FAM117A: variants seen among roughly 807,000 people sequenced by gnomAD.
The protein encoded by FAM117A is family with sequence similarity 117 member A.
A neutral mutation model predicts 44.1 loss-of-function variants in FAM117A; 21 were observed. The observed-to-expected ratio is 0.48, with a 90% CI of 0.34 to 0.69. The LOEUF is 0.69. FAM117A is among the 30% of genes least tolerant of loss of function. The pLI is 0.01. For missense variants in FAM117A, 498 were observed against 589.9 expected, an observed-to-expected ratio of 0.84 and a Z score of 1.61; for synonymous variants, 220 against 238.3, an observed-to-expected ratio of 0.92 and a Z score of 0.71.
At chr17:49,744,383 G>T (rs2073646430) in intron 1 of FAM117A, among the ~76,000 whole-genome samples, 2 of 152,130 alleles carry the variant, frequency 1.3e-5, no homozygotes, top group African/African-American at 4.8e-5. Context: ...GGGCTCAAGT[G>T]ATTCTCCATC....
intron 1 of FAM117A, among the ~76,000 whole-genome samples, chr17:49,762,488 A>G (rs2073725941): frequency 1.3e-5 from 2 of 152,212 alleles, no homozygotes; most frequent in Admixed American, 6.5e-5. Context: ...TAACATATAC[A>G]GTGAAAAGTC....
chr17:49,782,681 CTT>C (rs1295912422), intron 1 of FAM117A, among the ~76,000 whole-genome samples: 5 of 112,258 alleles, frequency 4.5e-5, no homozygotes, highest in Non-Finnish European at 8.4e-5. Flanking sequence ...CAGAGCTAGA[CTT>C]TGTCTCAAAA....
chr17:49,752,399 C>G (rs1489395596), intron 1 of FAM117A, among the ~76,000 whole-genome samples: 2 of 152,176 alleles, frequency 1.3e-5, no homozygotes, highest in Non-Finnish European at 2.9e-5. Context: ...ATGGTTACAC[C>G]AGGGGTCCCT....
At chr17:49,768,439 G>A (rs1208299615), upstream of FAM117A, among the ~76,000 whole-genome samples, 3 of 152,130 alleles carry the variant, frequency 2.0e-5, no homozygotes, top group Non-Finnish European at 1.5e-5. Context: ...GGTATTCCTT[G>A]GTACCTGGAA....
chr17:49,720,460 C>G (rs2073528739), intron 3 of FAM117A, 24 bp from the exon 4 acceptor site: 1 of 1,602,434 alleles, frequency 6.2e-7, no homozygotes, highest in African/African-American at 1.3e-5. Flanking sequence ...GAGAAGACGA[C>G]AGAGGCAGAT....
chr17:49,736,254 CTCTT>C (rs770096314), intron 1 of FAM117A, among the ~76,000 whole-genome samples: 50 of 151,330 alleles, frequency 3.3e-4, no homozygotes, highest in African/African-American at 1.1e-3. Flanking sequence ...TTCAAAGGCT[CTCTT>C]TCTTTTTTTT....
upstream of FAM117A, among the ~76,000 whole-genome samples, chr17:49,768,986 T>C (rs1359830030): frequency 6.6e-6 from 1 of 152,208 alleles, no homozygotes; most frequent in African/African-American, 2.4e-5. Flanking sequence ...CCTTGCTAAA[T>C]GGCAGCCCTT....
intron 2 of FAM117A, among the ~76,000 whole-genome samples, chr17:49,731,835 G>A (rs1598024517): frequency 6.6e-6 from 1 of 152,172 alleles, no homozygotes; most frequent in African/African-American, 2.4e-5. Flanking sequence ...ACCCAGGATG[G>A]AATGCAATGG....
rs990676167 is a variant in FAM117A, at chr17:49,763,996, G to A, written c.92C>T (p.Pro31Leu). Residue 31 changes from proline to leucine, a missense_variant, in exon 1 of 8, where the codon CCA becomes CTA. Around this residue, in one of 3 missense-constraint regions of FAM117A, gnomAD observed 270 missense variants for 277.4 expected, o/e 0.97. Transcript: ENST00000240364. ...AGGLRRGCSP[P>L]APAGSPRAGL... Reference sequence around the variant, plus strand: ...AGCCCGGGGGGAGCCGGCGGGGGCTGGGGGAGAGCAGCCCCGCCGGAGCCC... The same window carrying A: ...AGCCCGGGGGGAGCCGGCGGGGGCTAGGGGAGAGCAGCCCCGCCGGAGCCC... The A allele has an allele frequency of 1.6e-6, 2 of 1,215,312 alleles. No homozygotes were observed. Among genetic ancestry groups the A allele is most frequent in the African/African-American group, 3.1e-5 (2 of 63,532 alleles). The allele number at this position is 1,215,312 out of a possible 1,614,324, so 75.3% of individuals were successfully genotyped here.
chr17:49,731,196 A>G (rs2143730597), intron 2 of FAM117A, among the ~76,000 whole-genome samples: 1 of 152,364 alleles, frequency 6.6e-6, no homozygotes, highest in East Asian at 1.9e-4. Flanking sequence ...ACCTACACAG[A>G]GGCAGACCAC....
At position 49,769,895 on chromosome 17, in the gene FAM117A, G is replaced by C. The variant is rs986853963; in HGVS notation, c.-621+18602C>G. Reference sequence around the variant, plus strand: ...CCAGACAAGGGGAGGACTTGTCAGAGGCCATTCAGCAAATCAGAGACAAGC... The same window carrying C: ...CCAGACAAGGGGAGGACTTGTCAGACGCCATTCAGCAAATCAGAGACAAGC... On this transcript the variant is annotated intron_variant, in intron 1 of 7. Coordinates refer to the FAM117A transcript ENST00000513602. 7.2e-5 allele frequency among the ~76,000 whole-genome samples: 11 copies of C among 152,168 alleles called. No homozygotes were observed. The East Asian group carries it at 1.9e-3, about 27-fold the overall frequency.
At chr17:49,727,259 T>C (rs1033532030) in intron 2 of FAM117A, among the ~76,000 whole-genome samples, 8 of 151,696 alleles carry the variant, frequency 5.3e-5, no homozygotes, top group Admixed American at 5.3e-4. Flanking sequence ...TACAAAACAA[T>C]TGGCCGGGCA....
At chr17:49,725,868 G>A (rs1382103492) in intron 2 of FAM117A, among the ~76,000 whole-genome samples, 1 of 152,222 alleles carries the variant, frequency 6.6e-6, no homozygotes, top group Non-Finnish European at 1.5e-5. Flanking sequence ...TAAGAAAGAG[G>A]CAGAGGGAGA....
chr17:49,759,088 C>G (rs149345934), intron 1 of FAM117A, among the ~76,000 whole-genome samples: 1 of 152,188 alleles, frequency 6.6e-6, no homozygotes, highest in Non-Finnish European at 1.5e-5. Flanking sequence ...CTATCTATGT[C>G]TAGAATGTGA....
chr17:49,734,052 A>C (rs564378014), intron 1 of FAM117A, among the ~76,000 whole-genome samples: 1 of 151,356 alleles, frequency 6.6e-6, no homozygotes, highest in Non-Finnish European at 1.5e-5. Flanking sequence ...CTGAGGCAGG[A>C]GAATGGTGTG....
intron 2 of FAM117A, among the ~76,000 whole-genome samples, chr17:49,730,524 A>G (rs529776250): frequency 2.4e-4 from 37 of 152,350 alleles, no homozygotes; most frequent in African/African-American, 8.9e-4. Context: ...TGACAGAGGC[A>G]GAAATAGGTG....
intron 1 of FAM117A, among the ~76,000 whole-genome samples, chr17:49,743,912 C>T (rs1325380093): frequency 6.7e-6 from 1 of 150,296 alleles, no homozygotes; most frequent in Non-Finnish European, 1.5e-5. Flanking sequence ...GCCTGGGTGA[C>T]AGTGAGACCC....
chr17:49,751,542 T>C (rs1362179151), intron 1 of FAM117A, among the ~76,000 whole-genome samples: 1 of 151,908 alleles, frequency 6.6e-6, no homozygotes, highest in Non-Finnish European at 1.5e-5. Context: ...ATTGCACCAC[T>C]ATACTCCAGC....
At chr17:49,786,028 G>C (rs2073804780) in intron 1 of FAM117A, among the ~76,000 whole-genome samples, 1 of 152,070 alleles carries the variant, frequency 6.6e-6, no homozygotes, top group African/African-American at 2.4e-5. Flanking sequence ...TATTATATTT[G>C]GTTTTTTAAA....
Sources: allele counts gnomAD v4.1 joint callset (sites outside exome capture counted in the v4.1 genomes callset), GRCh38; gene constraint gnomAD v4.1.1; regional missense constraint gnomAD v4.1.1; transcripts MANE v1.5; gene names NCBI Gene and HGNC (gene_info 2026-07-23, HGNC 2026-07-21).